PITRM1: variants seen among roughly 807,000 people sequenced by gnomAD.
PITRM1 encodes the protein presequence protease, mitochondrial.
PITRM1 carries 100 observed loss-of-function variants against 129.9 expected under a neutral mutation model. The observed-to-expected ratio is 0.77, with a 90% CI of 0.65 to 0.91. The LOEUF (loss-of-function observed/expected upper bound fraction) is 0.91. PITRM1 is among the 40% of genes least tolerant of loss of function. The pLI is 0.00. For missense variants in PITRM1, 1,471 were observed against 1,318.3 expected (o/e 1.12, Z -1.79); for synonymous variants, 591 against 508.8 (o/e 1.16, Z -2.17).
Position 3,138,039 on chromosome 10 carries a change from T to C in PITRM1, c.3106A>G (p.Ile1036Val), listed in dbSNP as rs751912383. 3 of 1,602,984 alleles carry C rather than the reference T, an allele frequency of 1.9e-6. No homozygotes were observed. The highest frequency in any genetic ancestry group is 2.6e-6 in the Non-Finnish European group (3 of 1,173,798). ...PKIAKDPSWI[I>V]Q ...TCGAGCGCCACGGCTGCTCATTGGA[T>C]GATCCAGGATGGGTCCTTGGCAATT... The change falls in exon 27 of 27, where the codon ATC (isoleucine) becomes GTC (valine). Residue 1036 changes from isoleucine to valine, a missense_variant. Physicochemically the swap from Ile to Val is conservative, Grantham distance 29. Transcript: ENST00000224949.
chr10:3,143,196 C>T, intron 23 of PITRM1, 193 bp downstream of exon 23: 1 of 590,716 alleles, frequency 1.7e-6, no homozygotes, highest in Non-Finnish European at 3.0e-6. Context: ...ATGACTGGCT[C>T]TAAAACTGGG....
chr10:3,138,772 G>A (rs1472590743), intron 25 of PITRM1, 132 bp downstream of exon 25: 1 of 877,316 alleles, frequency 1.1e-6, no homozygotes, highest in South Asian at 1.3e-5. Flanking sequence ...GTCAGACGTG[G>A]AAATCGTATC....
At position 3,137,843 on chromosome 10, in the gene PITRM1, G is replaced by T. The variant is rs543602699; in HGVS notation, c.*188C>A. On this transcript the variant is annotated 3_prime_UTR_variant, in exon 27 of 27. Coordinates refer to ENST00000224949, the MANE Select transcript of PITRM1 (RefSeq NM_014889.4). ...GGTGCATCTTTGGCGCTTCATGCAT[G>T]ATTATTTCAATGAACCTCTTCCTGG... 1 of 580,098 alleles carries T rather than the reference G, an allele frequency of 1.7e-6. No individual in the cohort carries two copies. The allele number at this position is 580,098 out of a possible 1,614,324, so 35.9% of individuals were successfully genotyped here. A position where few individuals can be genotyped will look rare whatever the true frequency, so the allele number is the denominator to read the frequency against.
intron 1 of PITRM1, chr10:3,172,218 A>G (rs1377557879): frequency 8.7e-6 from 4 of 457,156 alleles, no homozygotes; most frequent in African/African-American, 6.0e-5. Flanking sequence ...TACCATGAAC[A>G]CTAAACTGCT....
At position 3,172,726 on chromosome 10, in the gene PITRM1, A is replaced by G. The variant is rs1843504614; in HGVS notation, c.47T>C (p.Leu16Pro). 5 of 1,542,406 alleles carry G rather than the reference A, an allele frequency of 3.2e-6. No homozygotes were observed. The highest frequency in any genetic ancestry group is 3.5e-6 in the Non-Finnish European group (4 of 1,144,190). ...GRQGLCVLRR[L>P]SGGHAHHRAW... ...CGTCGCAGCGTCTCACCCGCCGCTC[A>G]GCCGCCTCAGCACACACAGGCCCTG... Residue 16 changes from leucine (L) to proline (P), a missense_variant, in exon 1 of 27, where the codon CTG becomes CCG. Coordinates refer to ENST00000224949, the MANE Select transcript of PITRM1 (RefSeq NM_014889.4).
intron 22 of PITRM1, 127 bp from the exon 23 acceptor site, chr10:3,143,628 G>A: frequency 1.4e-6 from 1 of 729,568 alleles, no homozygotes; most frequent in Middle Eastern, 2.3e-4. Context: ...TGGGACTGGA[G>A]CCATCTCAGG....
chr10:3,160,183 C>G, intron 8 of PITRM1, 21 bp downstream of exon 8: 1 of 1,612,834 alleles, frequency 6.2e-7, no homozygotes, highest in Non-Finnish European at 8.5e-7. Context: ...AGGAAGGACA[C>G]AAACACGGTG....
chr10:3,163,876 C>T lies in PITRM1; in HGVS notation c.640G>A (p.Glu214Lys). The T allele has an allele frequency of 1.2e-6, 2 of 1,600,298 alleles. No individual in the cohort carries two copies. Among genetic ancestry groups the T allele is most frequent in the South Asian group, 2.2e-5 (2 of 88,900 alleles). Reference protein sequence around the residue: ...NEMKGAFTDNERIFSQHLQNR... With the variant: ...NEMKGAFTDNKRIFSQHLQNR... ...TGAAGGTGCTGGGAGAATATCCTCT[C>T]ATTGTCTGTCTTGAAACGTAAAATA... The change falls in exon 7 of 27, where the codon GAG becomes AAG. Residue 214 changes from glutamate (E) to lysine (K), a missense_variant. Physicochemically the swap from Glu to Lys is moderately conservative, Grantham distance 56. Coordinates refer to ENST00000224949, the MANE Select transcript of PITRM1 (RefSeq NM_014889.4).
chr10:3,153,162 C>G (rs1387849513), intron 14 of PITRM1, among the ~76,000 whole-genome samples: 1 of 152,234 alleles, frequency 6.6e-6, no homozygotes, highest in Non-Finnish European at 1.5e-5. Flanking sequence ...AAGAGCTACA[C>G]AGCGAGTGTG....
At position 3,137,742 on chromosome 10, in the gene PITRM1, C is replaced by T. The variant is rs1442827347; in HGVS notation, c.*289G>A. 1 of 426,630 alleles carries T rather than the reference C, an allele frequency of 2.3e-6. No individual in the cohort carries two copies. The highest frequency in any genetic ancestry group is 3.6e-5 in the Admixed American group (1 of 27,602). 26.4% of individuals were successfully genotyped at this position (426,630 alleles called of 1,614,324 possible). ...TCAAGCAGAGGTTAAGTCAGAGTTG[C>T]CCTTTATTTTTAGATTCTTAAATAT... On this transcript the variant is annotated 3_prime_UTR_variant, in exon 27 of 27. Transcript: ENST00000224949.
In PITRM1 at chr10:3,145,735, A is replaced by G. The variant is rs185270262; in HGVS notation, c.2337-19T>C. ...TGAACACCTGTTTGAAAAATTATGT[A>G]TACATAAAACCACTGTTAGAAAAAA... On this transcript the variant is annotated intron_variant, in intron 20 of 26. Transcript: ENST00000224949. 21 of 1,513,604 alleles carry G rather than the reference A, an allele frequency of 1.4e-5. No homozygotes were observed. In the East Asian group the frequency reaches 2.7e-4, roughly 19 times the overall value. 93.8% of individuals were successfully genotyped at this position (1,513,604 alleles called of 1,614,324 possible).
chr10:3,171,071 C>A (rs1843291545), intron 1 of PITRM1, among the ~76,000 whole-genome samples: 1 of 145,062 alleles, frequency 6.9e-6, no homozygotes, highest in Admixed American at 7.3e-5. Context: ...TCAGCACGAA[C>A]CCTGACAGTC....
chr10:3,146,870 A>G (rs375043057), intron 20 of PITRM1: 33 of 224,786 alleles, frequency 1.5e-4, no homozygotes, highest in African/African-American at 7.6e-4. Context: ...CTTTACAGAT[A>G]CCTCAGTTAC....
intron 20 of PITRM1, 105 bp downstream of exon 20, chr10:3,147,045 C>T: frequency 3.5e-6 from 2 of 579,236 alleles, no homozygotes; most frequent in East Asian, 3.0e-5. Flanking sequence ...ATTCTATAAC[C>T]TTTACCAAGC....
chr10:3,154,975 G>A (rs1841854653), intron 14 of PITRM1, among the ~76,000 whole-genome samples: 1 of 152,050 alleles, frequency 6.6e-6, no homozygotes, highest in African/African-American at 2.4e-5. Flanking sequence ...CTATTTTTCT[G>A]CAAAACTATC....
chr10:3,143,994 G>A lies in PITRM1; in HGVS notation c.2532+298C>T, dbSNP rs1840557852. 5.5e-6 allele frequency: 3 copies of A among 546,928 alleles called. No homozygotes were observed. The South Asian group carries it at 6.0e-5, about 11-fold the overall frequency. The allele number at this position is 546,928 out of a possible 1,614,324, so 33.9% of individuals were successfully genotyped here. A position where few individuals can be genotyped will look rare whatever the true frequency, so the allele number is the denominator to read the frequency against. On this transcript the variant is annotated intron_variant, in intron 22 of 26. Coordinates refer to ENST00000224949, the MANE Select transcript of PITRM1 (RefSeq NM_014889.4). ...AGCTACGTTCAAAGAAGGGTGAGTT[G>A]CCCGGGAGGAGACCACCCAGAGCAG...
chr10:3,170,713 A>T (rs1843258583), intron 1 of PITRM1, among the ~76,000 whole-genome samples: 1 of 152,208 alleles, frequency 6.6e-6, no homozygotes, highest in Admixed American at 6.5e-5. Context: ...AAGGCTGAAG[A>T]GGCCGGGCGT....
intron 14 of PITRM1, among the ~76,000 whole-genome samples, chr10:3,152,783 G>C (rs568066604): frequency 6.6e-6 from 1 of 152,200 alleles, no homozygotes; most frequent in Non-Finnish European, 1.5e-5. Flanking sequence ...GGTTTCCCCC[G>C]TGGTCCCTGG....
At chr10:3,164,037 A>C in intron 6 of PITRM1, 152 bp from the exon 7 acceptor site, 2 of 421,488 alleles carry the variant, frequency 4.7e-6, no homozygotes, top group South Asian at 4.0e-5. Context: ...AAAAAAAAAA[A>C]AACACCCACG....
Sources: gnomAD v4.1 joint callset for allele counts (sites outside exome capture counted in the v4.1 genomes callset) on GRCh38, gnomAD v4.1.1 for gene constraint, MANE v1.5 for transcripts, NCBI Gene and HGNC (gene_info 2026-07-23, HGNC 2026-07-21) for gene names.